Variants in MAD1L1 observed in about 807,000 individuals in gnomAD.
The protein encoded by MAD1L1 is mitotic arrest deficient 1 like 1.
In MAD1L1, 95 loss-of-function variants were observed where a neutral mutation model predicts 96.9. The ratio of observed to expected loss-of-function variants is 0.98; its 90% CI spans 0.83 to 1.16. The LOEUF is 1.16. MAD1L1 is among the 50% of genes most tolerant of loss of function. The pLI is 0.00. For missense variants in MAD1L1, 1,007 were observed against 954.4 expected, an observed-to-expected ratio of 1.06 and a Z score of -0.73; for synonymous variants, 473 against 396.6, an observed-to-expected ratio of 1.19 and a Z score of -2.29.
intron 18 of MAD1L1, chr7:1,854,453 G>A: frequency 2.3e-6 from 1 of 438,078 alleles, no homozygotes; most frequent in South Asian, 1.6e-5. Context: ...AGGCCACAAG[G>A]GCAGGGTAAG....
chr7:2,004,567 T>C (rs550290988), intron 13 of MAD1L1, among the ~76,000 whole-genome samples: 98 of 152,334 alleles, frequency 6.4e-4, no homozygotes, highest in African/African-American at 2.2e-3. Flanking sequence ...CGCTCTCCTG[T>C]GCCTCCCGAC....
At chr7:2,137,314 G>A (rs1788801501) in intron 11 of MAD1L1, among the ~76,000 whole-genome samples, 1 of 152,160 alleles carries the variant, frequency 6.6e-6, no homozygotes, top group African/African-American at 2.4e-5. Context: ...ACCTTTTGGG[G>A]GCCAAGAAAG....
chr7:2,158,577 T>C (rs1252511499), intron 10 of MAD1L1, among the ~76,000 whole-genome samples: 2 of 151,920 alleles, frequency 1.3e-5, no homozygotes, highest in Non-Finnish European at 2.9e-5. Flanking sequence ...TATGCAGAAA[T>C]AGGAATAAAA....
At chr7:2,187,300 G>C (rs1791507099) in intron 10 of MAD1L1, among the ~76,000 whole-genome samples, 1 of 152,022 alleles carries the variant, frequency 6.6e-6, no homozygotes, top group Admixed American at 6.6e-5. Flanking sequence ...AGTGAACCAA[G>C]ATCATGCCAC....
At chr7:2,069,047 C>T in intron 12 of MAD1L1, 147 bp downstream of exon 12, 1 of 1,086,566 alleles carries the variant, frequency 9.2e-7, no homozygotes, top group Non-Finnish European at 1.3e-6. Context: ...TCTGGCATTC[C>T]CAGAACCCTC....
intron 18 of MAD1L1, among the ~76,000 whole-genome samples, chr7:1,824,450 G>T (rs908914653): frequency 3.3e-5 from 5 of 152,212 alleles, no homozygotes; most frequent in Admixed American, 2.0e-4. Context: ...AGCACAGTGG[G>T]ATGAGGAAAC....
At chr7:2,061,228 T>C (rs1784647204) in intron 12 of MAD1L1, among the ~76,000 whole-genome samples, 1 of 152,122 alleles carries the variant, frequency 6.6e-6, no homozygotes, top group Admixed American at 6.5e-5. Context: ...TCCCAGCTAC[T>C]CATGAGGCTG....
intron 15 of MAD1L1, among the ~76,000 whole-genome samples, chr7:1,958,592 G>A (rs1779826161): frequency 6.6e-6 from 1 of 152,150 alleles, no homozygotes; most frequent in South Asian, 2.1e-4. Context: ...AAAAGATCAA[G>A]AAGATTGATA....
intron 18 of MAD1L1, among the ~76,000 whole-genome samples, chr7:1,891,872 T>G (rs141888467): frequency 6.6e-6 from 1 of 152,248 alleles, no homozygotes; most frequent in African/African-American, 2.4e-5. Context: ...CAGGCCACTG[T>G]GCCCAGCCAT....
chr7:1,951,134 G>A (rs1406679135), intron 16 of MAD1L1, among the ~76,000 whole-genome samples: 1 of 152,268 alleles, frequency 6.6e-6, no homozygotes. Flanking sequence ...ACTGGCGGAT[G>A]AGCAGGAGCC....
intron 12 of MAD1L1, among the ~76,000 whole-genome samples, chr7:2,050,026 C>G (rs190295354): frequency 1.1e-4 from 17 of 148,812 alleles, no homozygotes; most frequent in Non-Finnish European, 2.2e-4. Context: ...CCAGACCACA[C>G]GTTCACGGGG....
At chr7:2,098,421 C>G (rs1786608892) in intron 11 of MAD1L1, among the ~76,000 whole-genome samples, 1 of 152,184 alleles carries the variant, frequency 6.6e-6, no homozygotes, top group Non-Finnish European at 1.5e-5. Flanking sequence ...ACAAAGTGGG[C>G]AAGAGTCCCT....
At chr7:2,116,477 C>A (rs1787699492) in intron 11 of MAD1L1, among the ~76,000 whole-genome samples, 1 of 147,790 alleles carries the variant, frequency 6.8e-6, no homozygotes, top group Non-Finnish European at 1.5e-5. Flanking sequence ...CGATGAATGC[C>A]AGGGCAGGGA....
chr7:2,161,259 G>A (rs1251694314), intron 10 of MAD1L1, among the ~76,000 whole-genome samples: 7 of 151,726 alleles, frequency 4.6e-5, no homozygotes, highest in South Asian at 4.2e-4. Context: ...GGCGCGCGCC[G>A]CCAAGCCTGA....
chr7:2,075,082 G>C (rs1300673315), intron 11 of MAD1L1, among the ~76,000 whole-genome samples: 3 of 152,214 alleles, frequency 2.0e-5, no homozygotes, highest in African/African-American at 7.2e-5. Flanking sequence ...GAGCAGGCTG[G>C]CATGTGTCCA....
At chr7:2,093,447 G>C (rs1786318268) in intron 11 of MAD1L1, among the ~76,000 whole-genome samples, 1 of 152,098 alleles carries the variant, frequency 6.6e-6, no homozygotes, top group South Asian at 2.1e-4. Context: ...GAAGGATCCT[G>C]GCCAAAACAG....
At chr7:2,064,719 C>T (rs1355458320) in intron 12 of MAD1L1, among the ~76,000 whole-genome samples, 1 of 151,600 alleles carries the variant, frequency 6.6e-6, no homozygotes, top group African/African-American at 2.4e-5. Context: ...AGCGGCTTCT[C>T]CCAGAGGATA....
rs117631538 is a variant in MAD1L1, at chr7:1,838,320, G to A, written c.1999-22092C>T. On this transcript the variant is annotated intron_variant, in intron 18 of 18. Transcript: ENST00000265854. Reference sequence around the variant, plus strand: ...ATTACCATGTGACCCTGGCACTTCCGCTTATGGGTGTACACCCAAGAGAAA... The same window carrying A: ...ATTACCATGTGACCCTGGCACTTCCACTTATGGGTGTACACCCAAGAGAAA... Among the ~76,000 whole-genome samples, 20 of 152,308 alleles carry A rather than the reference G, an allele frequency of 1.3e-4. 1 individual carries two copies. The East Asian group carries it at 3.9e-3, about 29-fold the overall frequency.
chr7:2,000,264 G>A (rs961980497), intron 14 of MAD1L1, among the ~76,000 whole-genome samples: 9 of 151,970 alleles, frequency 5.9e-5, no homozygotes, highest in Admixed American at 1.3e-4. Flanking sequence ...CAGCGGACTC[G>A]GACCACGCCT....
Sources: allele counts gnomAD v4.1 joint callset (sites outside exome capture counted in the v4.1 genomes callset), GRCh38; gene constraint gnomAD v4.1.1; transcripts MANE v1.5; gene names NCBI Gene and HGNC (gene_info 2026-07-23, HGNC 2026-07-21).